The following GXYLT2 variants were observed in gnomAD, a reference collection of about 807,000 sequenced individuals.
GXYLT2 encodes glycosyltransferase 8 domain containing 4.
A neutral mutation model predicts 45.8 loss-of-function variants in GXYLT2; 53 were observed. That is an observed-to-expected ratio of 1.16 (90% confidence interval 0.93 to 1.46). The LOEUF is 1.46. Among genes scored for constraint, GXYLT2 ranks in the 40% most tolerant of loss-of-function variants. The pLI is 0.00. For synonymous variants in GXYLT2, 219 were observed against 214.2 expected, an observed-to-expected ratio of 1.02 and a Z score of -0.19; for missense variants, 551 against 544.4, an observed-to-expected ratio of 1.01 and a Z score of -0.12.
chr3:72,970,400 C>T lies in GXYLT2; in HGVS notation c.1149+2681C>T, dbSNP rs749495373. ...TAAATAGGCCCGGTACAGAAGCTCA[C>T]GCCTATAATCCCAGCACTTTGGAGG... is the stretch of plus-strand genomic sequence containing the variant. On this transcript the variant is annotated intron_variant, in intron 6 of 6. Transcript: ENST00000389617. 2.5e-4 allele frequency among the ~76,000 whole-genome samples: 37 copies of T among 150,820 alleles called. No individual in the cohort carries two copies. The South Asian group carries it at 2.7e-3, about 11-fold the overall frequency.
At chr3:72,916,245 T>C (rs1484590885) in intron 2 of GXYLT2, among the ~76,000 whole-genome samples, 1 of 150,116 alleles carries the variant, frequency 6.7e-6, no homozygotes, top group Non-Finnish European at 1.5e-5. Context: ...GTTTGGCCCC[T>C]GAGTGAGAAT....
At position 72,960,989 on chromosome 3, in the gene GXYLT2, G is replaced by A. The variant is rs114972462; in HGVS notation, c.976+3637G>A. Among the ~76,000 whole-genome samples the A allele has an allele frequency of 1.5e-3, 228 of 152,258 alleles. 1 individual carries two copies. Among genetic ancestry groups the A allele is most frequent in the Non-Finnish European group, 2.8e-3 (189 of 68,010 alleles). On this transcript the variant is annotated intron_variant, in intron 5 of 6. Transcript: ENST00000389617. ...ATAGTGTCTTGTATCTGATAACACCGCTTTTTAAAATGTGTTTAAAAGTCA... is the reference window on the plus strand; with the variant it reads ...ATAGTGTCTTGTATCTGATAACACCACTTTTTAAAATGTGTTTAAAAGTCA...
At chr3:72,960,580 T>C (rs1710749146) in intron 5 of GXYLT2, among the ~76,000 whole-genome samples, 2 of 152,310 alleles carry the variant, frequency 1.3e-5, no homozygotes, top group African/African-American at 2.4e-5. Flanking sequence ...ATCAAGTAAA[T>C]AACCAAGTTT....
chr3:72,973,781 G>A (rs1423212594), intron 6 of GXYLT2, among the ~76,000 whole-genome samples: 1 of 152,142 alleles, frequency 6.6e-6, no homozygotes, highest in East Asian at 1.9e-4. Flanking sequence ...TCCCATTACT[G>A]GAGCTACAGT....
chr3:72,967,483 G>A, intron 5 of GXYLT2, 64 bp from the exon 6 acceptor site: 7 of 1,229,110 alleles, frequency 5.7e-6, no homozygotes, highest in Non-Finnish European at 8.2e-6. Flanking sequence ...GTTTAATCGT[G>A]CCACATGTGC....
intron 1 of GXYLT2, among the ~76,000 whole-genome samples, chr3:72,904,964 G>A (rs1216819276): frequency 6.9e-6 from 1 of 145,954 alleles, no homozygotes; most frequent in East Asian, 2.2e-4. Context: ...CATGAGAATT[G>A]CTTGAGCCTG....
At chr3:72,944,300 G>C (rs1050927933) in intron 3 of GXYLT2, among the ~76,000 whole-genome samples, 1 of 150,970 alleles carries the variant, frequency 6.6e-6, no homozygotes, top group Non-Finnish European at 1.5e-5. Flanking sequence ...TGTTGCCCAG[G>C]CTGGAGTGCA....
At chr3:72,939,431 A>C (rs1387698474) in intron 3 of GXYLT2, among the ~76,000 whole-genome samples, 1 of 151,896 alleles carries the variant, frequency 6.6e-6, no homozygotes, top group East Asian at 1.9e-4. Context: ...CAAGACTTTC[A>C]AAAACAACAA....
rs5850090 is a variant in GXYLT2, at chr3:72,975,369, G to GA, written c.*222dup. ...TTCTAAAATGCTATTTATCTCTAAG[G>GA]AAAAAAAAAAAAGACTATTACTCAT... On this transcript the variant is annotated 3_prime_UTR_variant, in exon 7 of 7. Transcript: ENST00000389617. The GA allele has an allele frequency of 0.57, 186,979 of 327,626 alleles. 39,447 individuals carry two copies. Among genetic ancestry groups the GA allele is most frequent in the African/African-American group, 0.73 (32,567 of 44,810 alleles). 20.3% of individuals were successfully genotyped at this position (327,626 alleles called of 1,614,324 possible).
intron 1 of GXYLT2, among the ~76,000 whole-genome samples, chr3:72,902,094 C>T (rs1283879193): frequency 6.7e-6 from 1 of 150,326 alleles, no homozygotes; most frequent in East Asian, 1.9e-4. Flanking sequence ...AGTTGATGGA[C>T]ATTTAAGTTG....
intron 5 of GXYLT2, among the ~76,000 whole-genome samples, chr3:72,957,737 G>T (rs13060181): frequency 6.6e-6 from 1 of 152,120 alleles, no homozygotes; most frequent in Admixed American, 6.6e-5. Context: ...TGATTCTCAG[G>T]GTCCTTGGAG....
chr3:72,889,749 A>G (rs1337738006), intron 1 of GXYLT2, among the ~76,000 whole-genome samples: 1 of 152,204 alleles, frequency 6.6e-6, no homozygotes, highest in Non-Finnish European at 1.5e-5. Flanking sequence ...CTGGTAAGAT[A>G]ATAATAACTG....
chr3:72,948,784 C>T (rs575775148), intron 3 of GXYLT2, among the ~76,000 whole-genome samples: 1 of 149,414 alleles, frequency 6.7e-6, no homozygotes, highest in East Asian at 2.0e-4. Flanking sequence ...TTGCAGTGCG[C>T]CAAGATCATG....
chr3:72,962,926 A>G (rs4677214), intron 5 of GXYLT2, among the ~76,000 whole-genome samples: 100,926 of 151,174 alleles, frequency 0.67, 34,089 homozygotes, highest in Admixed American at 0.75. Context: ...AGAGAATGCT[A>G]GGAAATCTCA....
At chr3:72,911,973 G>A (rs1020175951) in intron 2 of GXYLT2, among the ~76,000 whole-genome samples, 1 of 141,638 alleles carries the variant, frequency 7.1e-6, no homozygotes, top group African/African-American at 2.7e-5. Context: ...GTGTGTGTGT[G>A]TGCATGTGTG....
chr3:72,973,446 G>T (rs988218661), intron 6 of GXYLT2, among the ~76,000 whole-genome samples: 1 of 152,216 alleles, frequency 6.6e-6, no homozygotes, highest in Admixed American at 6.5e-5. Context: ...GGAGGAGTTG[G>T]AATCTCATTC....
At position 72,975,442 on chromosome 3, in the gene GXYLT2, G is replaced by A. The variant is rs568378621; in HGVS notation, c.*283G>A. On this transcript the variant is annotated 3_prime_UTR_variant, in exon 7 of 7. Coordinates refer to ENST00000389617, the MANE Select transcript of GXYLT2 (RefSeq NM_001080393.2). The stretch of plus-strand genomic sequence containing the variant: ...AGCTAGCTGTGAAAATAGCTTTTGT[G>A]AGCCTTCTAATTCCTAAACGTCTGA... The A allele has an allele frequency of 2.1e-4, 57 of 267,630 alleles. No individual in the cohort carries two copies. Among genetic ancestry groups the A allele is most frequent in the African/African-American group, 1.2e-3 (56 of 45,326 alleles). The allele number at this position is 267,630 out of a possible 1,614,324, so 16.6% of individuals were successfully genotyped here.
At chr3:72,939,720 G>A (rs1033967223) in intron 3 of GXYLT2, among the ~76,000 whole-genome samples, 3 of 144,856 alleles carry the variant, frequency 2.1e-5, no homozygotes, top group Non-Finnish European at 3.0e-5. Flanking sequence ...TCAGTCTGTC[G>A]CCCAGGCTGG....
chr3:72,947,816 A>C (rs1710440348), intron 3 of GXYLT2, among the ~76,000 whole-genome samples: 1 of 152,098 alleles, frequency 6.6e-6, no homozygotes, highest in African/African-American at 2.4e-5. Context: ...AAAAAAAGAA[A>C]GAAATGCAGT....
Sources: gnomAD v4.1 joint callset for allele counts (sites outside exome capture counted in the v4.1 genomes callset) on GRCh38, gnomAD v4.1.1 for gene constraint, MANE v1.5 for transcripts, NCBI Gene and HGNC (gene_info 2026-07-23, HGNC 2026-07-21) for gene names.